EVC2: variants seen among roughly 807,000 people sequenced by gnomAD.
EVC2 encodes EvC ciliary complex subunit 2.
A neutral mutation model predicts 149.3 loss-of-function variants in EVC2; 148 were observed. The ratio of observed to expected loss-of-function variants is 0.99; its 90% CI spans 0.87 to 1.14. The LOEUF is 1.14. EVC2 is among the 50% of genes most tolerant of loss of function. The pLI is 0.00. For synonymous variants in EVC2, 776 were observed against 649.9 expected, an observed-to-expected ratio of 1.19 and a Z score of -2.95; for missense variants, 1,854 against 1,627.3, an observed-to-expected ratio of 1.14 and a Z score of -2.40.
At chr4:5,701,705 T>C (rs1241002385) in intron 1 of EVC2, among the ~76,000 whole-genome samples, 1 of 152,180 alleles carries the variant, frequency 6.6e-6, no homozygotes. Flanking sequence ...AATCCAGACT[T>C]GAATGCCTAA....
intron 9 of EVC2, among the ~76,000 whole-genome samples, chr4:5,658,059 T>C (rs1203124108): frequency 6.6e-6 from 1 of 152,210 alleles, no homozygotes; most frequent in Admixed American, 6.5e-5. Context: ...TTCATAGCTC[T>C]GACCATAGTG....
intron 7 of EVC2, among the ~76,000 whole-genome samples, chr4:5,669,410 T>A (rs1485986986): frequency 6.6e-6 from 1 of 152,216 alleles, no homozygotes; most frequent in Non-Finnish European, 1.5e-5. Context: ...TAAAACAAAA[T>A]TAGCTCTGCT....
chr4:5,644,588 C>T (rs537311108), intron 9 of EVC2, among the ~76,000 whole-genome samples: 6 of 152,242 alleles, frequency 3.9e-5, no homozygotes, highest in Middle Eastern at 3.4e-3. Context: ...CAGGTGTGAG[C>T]CACCGTGTCT....
At chr4:5,651,267 G>T (rs948562847) in intron 9 of EVC2, among the ~76,000 whole-genome samples, 3 of 152,056 alleles carry the variant, frequency 2.0e-5, no homozygotes, top group African/African-American at 7.2e-5. Flanking sequence ...TGGGTGGATG[G>T]ATATGCAGAT....
chr4:5,545,934 A>AT (rs2108756973), intron 21 of EVC2, among the ~76,000 whole-genome samples: 1 of 152,334 alleles, frequency 6.6e-6, no homozygotes, highest in Non-Finnish European at 1.5e-5. Context: ...AAAAGAAGAC[A>AT]TTTATGCAGC....
At position 5,543,579 on chromosome 4, in the gene EVC2, G is replaced by C. The variant is rs142723190; in HGVS notation, c.3420-367C>G. Among the ~76,000 whole-genome samples, 5 of 152,300 alleles carry C rather than the reference G, an allele frequency of 3.3e-5. No individual in the cohort carries two copies. The East Asian group carries it at 9.7e-4, about 29-fold the overall frequency. On this transcript the variant is annotated intron_variant and NMD_transcript_variant, in intron 21 of 22. Transcript: ENST00000475313. ...AACCAGTTTCCTAGCCCAACAGGAG[G>C]TAAGGTGCCAGGGGGACGAGGAAGA...
chr4:5,536,939 T>A, the EVC2 span, among the ~76,000 whole-genome samples: 34 of 152,212 alleles, frequency 2.2e-4, no homozygotes, highest in South Asian at 1.2e-3. Context: ...GAGAAGATGA[T>A]ATCCCTGTCA....
intron 17 of EVC2, among the ~76,000 whole-genome samples, chr4:5,580,239 C>T (rs1711632885): frequency 6.6e-6 from 1 of 152,176 alleles, no homozygotes; most frequent in African/African-American, 2.4e-5. Context: ...ATATCTGGAA[C>T]AAAACAACAG....
chr4:5,608,718 T>G (rs1714592247), intron 16 of EVC2, among the ~76,000 whole-genome samples: 1 of 152,100 alleles, frequency 6.6e-6, no homozygotes, highest in Non-Finnish European at 1.5e-5. Context: ...GTATTTTTAG[T>G]AGAGACTGGG....
In EVC2 at chr4:5,706,252, C is replaced by T. The variant is rs529086039; in HGVS notation, c.228+2034G>A. On this transcript the variant is annotated intron_variant, in intron 1 of 21. Coordinates refer to ENST00000344408, the MANE Select transcript of EVC2 (RefSeq NM_147127.5). The stretch of plus-strand genomic sequence containing the variant: ...GTGCAATTAGGCATTGGTCTCCCAG[C>T]CCCCTGCACACAGCATGGGACTTAG... Among the ~76,000 whole-genome samples the T allele has an allele frequency of 2.9e-3, 432 of 151,166 alleles. 2 individuals are homozygous for T. The highest frequency in any genetic ancestry group is 5.2e-3 in the Non-Finnish European group (351 of 67,830).
At chr4:5,650,223 C>T (rs984336877) in intron 9 of EVC2, among the ~76,000 whole-genome samples, 3 of 152,136 alleles carry the variant, frequency 2.0e-5, no homozygotes, top group Non-Finnish European at 2.9e-5. Context: ...TGCCCACTCC[C>T]TACTCCACCC....
chr4:5,552,194 G>T (rs1379971710), intron 21 of EVC2, among the ~76,000 whole-genome samples: 1 of 152,118 alleles, frequency 6.6e-6, no homozygotes, highest in Non-Finnish European at 1.5e-5. Flanking sequence ...CTACTACGGA[G>T]ATGAGGACTA....
rs1185893765 is a variant in EVC2 at position 5,576,630 on chromosome 4, T to G, written c.3058-176A>C. On this transcript the variant is annotated intron_variant, in intron 17 of 21. Transcript: ENST00000344408. This position sits in a 1 kb window ranked among gnomAD's most constrained non-coding sequence, Gnocchi z 4.5. ...AGTGCACCACGATCTCTCACCCCTG[T>G]GTCACCTCCATGCCTCCACATAGGC... 6.6e-6 allele frequency among the ~76,000 whole-genome samples: 1 copy of G among 152,186 alleles called. No homozygotes were observed. Among genetic ancestry groups the G allele is most frequent in the Admixed American group, 6.5e-5 (1 of 15,282 alleles).
intron 13 of EVC2, 111 bp from the exon 14 acceptor site, chr4:5,623,102 C>T (rs2108839631): frequency 2.0e-6 from 2 of 998,430 alleles, no homozygotes; most frequent in East Asian, 2.6e-5. Context: ...TTTTCCCCAA[C>T]AATCTCACAT....
intron 7 of EVC2, among the ~76,000 whole-genome samples, chr4:5,676,756 C>G (rs1432351516): frequency 6.6e-6 from 1 of 152,222 alleles, no homozygotes; most frequent in Non-Finnish European, 1.5e-5. Flanking sequence ...ATGGAGTTCT[C>G]TCTCTCTCTG....
intron 12 of EVC2, 86 bp downstream of exon 12, chr4:5,628,473 T>C (rs1252046565): frequency 6.5e-7 from 1 of 1,536,636 alleles, no homozygotes; most frequent in Non-Finnish European, 8.9e-7. Context: ...CTTCTATTTA[T>C]AAATTACCCA....
intron 9 of EVC2, among the ~76,000 whole-genome samples, chr4:5,648,857 T>C (rs1476133743): frequency 6.6e-6 from 1 of 152,150 alleles, no homozygotes; most frequent in African/African-American, 2.4e-5. Flanking sequence ...TCCCTCTACG[T>C]CGATTAAAAT....
chr4:5,667,450 A>G lies in EVC2; in HGVS notation c.871-1801T>C, dbSNP rs188506732. ...CACCCAGACTGCTGAGGGTTTGTCA[A>G]CCCAAATCACAATTCAACTTCTTCC... On this transcript the variant is annotated intron_variant, in intron 7 of 21. Coordinates refer to ENST00000344408, the MANE Select transcript of EVC2 (RefSeq NM_147127.5). 3.9e-5 allele frequency among the ~76,000 whole-genome samples: 6 copies of G among 152,306 alleles called. No individual in the cohort carries two copies. The South Asian group carries it at 8.3e-4, about 21-fold the overall frequency.
At chr4:5,544,843 C>G (rs1404001888) in intron 21 of EVC2, among the ~76,000 whole-genome samples, 1 of 152,282 alleles carries the variant, frequency 6.6e-6, no homozygotes, top group East Asian at 1.9e-4. Context: ...CAAGGACATA[C>G]AGATCCAGCC....
Sources: gnomAD v4.1 joint callset for allele counts (sites outside exome capture counted in the v4.1 genomes callset) on GRCh38, gnomAD v4.1.1 for gene constraint, Gnocchi (gnomAD v3.1) non-coding constraint, MANE v1.5 for transcripts, NCBI Gene and HGNC (gene_info 2026-07-23, HGNC 2026-07-21) for gene names.